The following SMARCB1 variants were observed in gnomAD, a reference collection of about 807,000 sequenced individuals.
SMARCB1 encodes the protein SWI/SNF related BAF chromatin remodeling complex subunit B1.
A neutral mutation model predicts 49.0 loss-of-function variants in SMARCB1; 5 were observed. The ratio of observed to expected loss-of-function variants is 0.10; its 90% CI spans 0.05 to 0.21. SMARCB1 has a LOEUF of 0.21. SMARCB1 is among the 10% of genes least tolerant of loss of function. The pLI is 1.00. For synonymous variants in SMARCB1, 201 were observed against 200.1 expected (o/e 1.00, Z -0.04); for missense variants, 226 against 509.2 (o/e 0.44, Z 5.35).
At chr22:23,810,527 C>CAAAAAAAAAAAAAAAAAAA (rs201408640) in intron 5 of SMARCB1, among the ~76,000 whole-genome samples, 1 of 79,572 alleles carries the variant, frequency 1.3e-5, no homozygotes, top group Admixed American at 1.7e-4. Flanking sequence ...GACTCTGTCT[C>CAAAAAAAAAAAAAAAAAAA]AAAAAAAAAA....
At position 23,835,699 on chromosome 22, in the gene SMARCB1, T is replaced by C; in HGVS notation, c.*1519T>C. On this transcript the variant is annotated 3_prime_UTR_variant, in exon 9 of 9. Transcript: ENST00000644036. ...AGCTGCTCTTAGACATGAACAGGTT[T>C]CATTGCTGAGGTGTTTGTTCTGTCC... is the stretch of plus-strand genomic sequence containing the variant. The C allele has an allele frequency of 4.1e-6, 4 of 985,506 alleles. No individual in the cohort carries two copies. The highest frequency in any genetic ancestry group is 4.8e-6 in the Non-Finnish European group (4 of 829,964). 61.0% of individuals were successfully genotyped at this position (985,506 alleles called of 1,614,324 possible). A position where few individuals can be genotyped will look rare whatever the true frequency, so the allele number is the denominator to read the frequency against.
At position 23,837,527 on chromosome 22, in the gene SMARCB1, G is replaced by C; in HGVS notation, c.*3347G>C. 1 of 954,204 alleles carries C rather than the reference G, an allele frequency of 1.0e-6. No individual in the cohort carries two copies. The highest frequency in any genetic ancestry group is 1.5e-6 in the Non-Finnish European group (1 of 645,872). 59.1% of individuals were successfully genotyped at this position (954,204 alleles called of 1,614,324 possible). A position where few individuals can be genotyped will look rare whatever the true frequency, so the allele number is the denominator to read the frequency against. Reference sequence around the variant, plus strand: ...CTGTAAGAGCACAGCAGCTGGGAGGGCAGGAAGATGGGGATGGAGCCAGGT... The same window carrying C: ...CTGTAAGAGCACAGCAGCTGGGAGGCCAGGAAGATGGGGATGGAGCCAGGT... On this transcript the variant is annotated 3_prime_UTR_variant, in exon 9 of 9. Transcript: ENST00000644036.
Position 23,834,231 on chromosome 22 carries a change from C to T in SMARCB1, c.*51C>T. ...CGGAGCATCTCAGAAGATTGGGCCG[C>T]CTCTCCTCCATCTTCTGGCAAGGAC... On this transcript the variant is annotated 3_prime_UTR_variant, in exon 9 of 9. Transcript: ENST00000644036. The T allele has an allele frequency of 6.5e-7, 1 of 1,535,404 alleles. No homozygotes were observed. The highest frequency in any genetic ancestry group is 2.4e-5 in the East Asian group (1 of 41,126).
At chr22:23,821,675 C>A (rs979881534) in intron 6 of SMARCB1, among the ~76,000 whole-genome samples, 6 of 151,852 alleles carry the variant, frequency 4.0e-5, no homozygotes, top group African/African-American at 1.5e-4. Flanking sequence ...CATGGTGAAA[C>A]CCTGTCTCTA....
In SMARCB1 at chr22:23,837,799, A is replaced by G. The variant is rs1434760517; in HGVS notation, c.*3619A>G. On this transcript the variant is annotated 3_prime_UTR_variant, in exon 9 of 9. Coordinates refer to ENST00000644036, the MANE Select transcript of SMARCB1 (RefSeq NM_003073.5). Reference sequence around the variant, plus strand: ...GCTGCGGCGGCTCCACACGTACACCAGCATGGCCATGAGGGCCTGGCCCAG... The same window carrying G: ...GCTGCGGCGGCTCCACACGTACACCGGCATGGCCATGAGGGCCTGGCCCAG... 6.2e-7 allele frequency: 1 copy of G among 1,613,812 alleles called. No individual in the cohort carries two copies. The highest frequency in any genetic ancestry group is 2.2e-5 in the East Asian group (1 of 44,890).
chr22:23,806,290 T>C (rs1427705664), intron 5 of SMARCB1, among the ~76,000 whole-genome samples: 1 of 152,242 alleles, frequency 6.6e-6, no homozygotes, highest in Non-Finnish European at 1.5e-5. Flanking sequence ...GGATCGTCCA[T>C]GAACTCCACA....
chr22:23,805,288 T>C (rs1019135059), intron 5 of SMARCB1, among the ~76,000 whole-genome samples: 3 of 152,070 alleles, frequency 2.0e-5, no homozygotes, highest in African/African-American at 7.2e-5. Context: ...GGAGGTTGTA[T>C]TGAGTGTAGA....
chr22:23,792,194 G>A, intron 2 of SMARCB1: 1 of 413,208 alleles, frequency 2.4e-6, no homozygotes, highest in Non-Finnish European at 4.6e-6. Context: ...ATGCTGCGAT[G>A]CTCTGCCATC....
At position 23,834,323 on chromosome 22, in the gene SMARCB1, G is replaced by A; in HGVS notation, c.*143G>A. On this transcript the variant is annotated 3_prime_UTR_variant, in exon 9 of 9. Transcript: ENST00000644036. The stretch of plus-strand genomic sequence containing the variant: ...GGGGGTGGAGTGGGGGCTTCCAGGT[G>A]GCCCTTCCCGGCACACATTCCATTT... 4.7e-6 allele frequency: 4 copies of A among 857,040 alleles called. No homozygotes were observed. Among genetic ancestry groups the A allele is most frequent in the Admixed American group, 4.0e-5 (2 of 50,080 alleles). The allele number at this position is 857,040 out of a possible 1,614,324, so 53.1% of individuals were successfully genotyped here. A position where few individuals can be genotyped will look rare whatever the true frequency, so the allele number is the denominator to read the frequency against.
At chr22:23,819,310 C>T (rs1200922406) in intron 6 of SMARCB1, among the ~76,000 whole-genome samples, 2 of 151,082 alleles carry the variant, frequency 1.3e-5, no homozygotes, top group Non-Finnish European at 2.9e-5. Flanking sequence ...GTTGGTGTCC[C>T]TGTTTTCATT....
chr22:23,787,091 G>A lies in SMARCB1; in HGVS notation c.-79G>A. 2.2e-6 allele frequency: 2 copies of A among 919,374 alleles called. No homozygotes were observed. The highest frequency in any genetic ancestry group is 3.9e-5 in the Admixed American group (2 of 51,784). 57.0% of individuals were successfully genotyped at this position (919,374 alleles called of 1,614,324 possible). On this transcript the variant is annotated 5_prime_UTR_variant, in exon 1 of 9. Coordinates refer to ENST00000644036, the MANE Select transcript of SMARCB1 (RefSeq NM_003073.5). ...TCGCCTTCCGGCTTCGGTTTCCCTC[G>A]GCCCAGCACGCCCCGGCCCCGCCCC...
chr22:23,798,942 C>T (rs982525365), intron 3 of SMARCB1, among the ~76,000 whole-genome samples: 6 of 151,132 alleles, frequency 4.0e-5, no homozygotes, highest in African/African-American at 7.3e-5. Context: ...CCCAGCTACT[C>T]GGGAGGCTGA....
At chr22:23,824,232 C>A (rs756032329) in intron 6 of SMARCB1, 1 of 152,208 alleles carries the variant, frequency 6.6e-6, no homozygotes, top group East Asian at 1.9e-4. Flanking sequence ...AGGCAGAAGT[C>A]CCCGGAAGGG....
chr22:23,835,275 G>A lies in SMARCB1; in HGVS notation c.*1095G>A, dbSNP rs947877251. On this transcript the variant is annotated 3_prime_UTR_variant, in exon 9 of 9. Transcript: ENST00000644036. ...TCTTCAGAATGGACACAGGATCTGGGAGGGCAGCAAACTGGCTCGCAGCTC... is the reference window on the plus strand; with the variant it reads ...TCTTCAGAATGGACACAGGATCTGGAAGGGCAGCAAACTGGCTCGCAGCTC... 3.9e-5 allele frequency: 42 copies of A among 1,086,920 alleles called. No individual in the cohort carries two copies. Among genetic ancestry groups the A allele is most frequent in the Admixed American group, 1.6e-4 (3 of 19,324 alleles). The allele number at this position is 1,086,920 out of a possible 1,614,324, so 67.3% of individuals were successfully genotyped here.
intron 6 of SMARCB1, chr22:23,824,940 G>A (rs1310585591): frequency 3.7e-6 from 2 of 534,778 alleles, no homozygotes; most frequent in Non-Finnish European, 6.8e-6. Flanking sequence ...AGGGCACAGG[G>A]GAGATGGGAT....
rs1024680100 is a variant in SMARCB1 at position 23,813,939 on chromosome 22, C to G, written c.629-2831C>G. On this transcript the variant is annotated intron_variant, in intron 5 of 8. Coordinates refer to ENST00000644036, the MANE Select transcript of SMARCB1 (RefSeq NM_003073.5). The stretch of plus-strand genomic sequence containing the variant: ...CCACCTTCCGGTTTCAAGCGTTTCT[C>G]CTGCCTTAGTCTCCCGAGTAGGTGG... 2.6e-5 allele frequency among the ~76,000 whole-genome samples: 4 copies of G among 152,244 alleles called. No homozygotes were observed. In the East Asian group the frequency reaches 7.7e-4, roughly 29 times the overall value.
chr22:23,805,513 T>C (rs1929439173), intron 5 of SMARCB1, among the ~76,000 whole-genome samples: 1 of 152,202 alleles, frequency 6.6e-6, no homozygotes, highest in Non-Finnish European at 1.5e-5. Flanking sequence ...CCGTTTTTCT[T>C]CTTTTTTTTG....
At chr22:23,833,747 G>T in intron 8 of SMARCB1, 44 bp downstream of exon 8, 1 of 1,610,988 alleles carries the variant, frequency 6.2e-7, no homozygotes, top group Non-Finnish European at 8.5e-7. Flanking sequence ...ACAGGCACCT[G>T]GCTTTCCAGG....
chr22:23,825,353 C>T lies in SMARCB1; in HGVS notation c.924C>T (p.Val308=), dbSNP rs770886017. Residue 308 remains valine (V), a synonymous_variant, in exon 7 of 9, where the codon GTC becomes GTT. Coordinates refer to ENST00000644036, the MANE Select transcript of SMARCB1 (RefSeq NM_003073.5). ...CSELGLGGEF[V]TTIAYSIRGQ... is the part of the protein sequence containing the mutation. ...AGCTGGGGTTGGGCGGGGAGTTTGT[C>T]ACCACCATCGCATACAGCATCCGGG... The T allele has an allele frequency of 2.5e-6, 4 of 1,614,016 alleles. No individual in the cohort carries two copies. The highest frequency in any genetic ancestry group is 3.4e-6 in the Non-Finnish European group (4 of 1,179,964).
Sources: gnomAD v4.1 joint callset for allele counts (sites outside exome capture counted in the v4.1 genomes callset) on GRCh38, gnomAD v4.1.1 for gene constraint, MANE v1.5 for transcripts, NCBI Gene and HGNC (gene_info 2026-07-23, HGNC 2026-07-21) for gene names.